Variants in CCDC57 observed in about 807,000 individuals in gnomAD.
CCDC57 encodes the protein coiled-coil domain-containing protein 57.
Under a neutral mutation model 118.9 loss-of-function variants are expected in CCDC57, and 118 were observed. The ratio of observed to expected loss-of-function variants is 0.99; its 90% confidence interval spans 0.86 to 1.16. CCDC57 has a LOEUF of 1.16. Ranked by LOEUF, CCDC57 falls within the 50% of genes most tolerant of loss-of-function variation. The pLI is 0.00. For synonymous variants in CCDC57, 527 were observed against 532.9 expected, an observed-to-expected ratio of 0.99 and a Z score of 0.15; for missense variants, 1,300 against 1,320.7, an observed-to-expected ratio of 0.98 and a Z score of 0.24.
chr17:82,157,873 C>T, exon 15 of CCDC57: 1 of 1,582,598 alleles, frequency 6.3e-7, no homozygotes, highest in Non-Finnish European at 8.6e-7. Flanking sequence ...AGCTCCAAAA[C>T]CTCCAGGTGT....
rs970566697 is a variant in CCDC57, at chr17:82,118,332, C to A, written c.2899+9360G>T. On this transcript the variant is annotated intron_variant, in intron 19 of 19. Transcript: ENST00000665763. The surrounding 1 kb of genome is among the most constrained non-coding windows in gnomAD (Gnocchi z 4.7). ...AACCCAGTGTGGTGTTATCCATTAG[C>A]GCAGGACTGAAACCCGATGTGGGTG... 2.0e-5 allele frequency among the ~76,000 whole-genome samples: 3 copies of A among 152,022 alleles called. No individual in the cohort carries two copies. The highest frequency in any genetic ancestry group is 7.2e-5 in the African/African-American group (3 of 41,382).
intron 19 of CCDC57, among the ~76,000 whole-genome samples, chr17:82,119,432 GC>G (rs1289023961): frequency 2.6e-5 from 4 of 151,556 alleles, no homozygotes; most frequent in East Asian, 2.0e-4. Context: ...ACCTGTGGGT[GC>G]CCCCCCACCC....
At chr17:82,169,164 T>C (rs1440707743) in intron 13 of CCDC57, among the ~76,000 whole-genome samples, 1 of 152,202 alleles carries the variant, frequency 6.6e-6, no homozygotes, top group African/African-American at 2.4e-5. Flanking sequence ...TCTCGCTCTG[T>C]TACCTAGGCT....
chr17:82,198,341 G>A (rs772904289), exon 4 of CCDC57: 11 of 1,613,288 alleles, frequency 6.8e-6, no homozygotes, highest in Non-Finnish European at 9.3e-6. Context: ...GCTCACCGTC[G>A]AGCTCCTCAA....
chr17:82,101,515 C>G (rs1415840791), downstream of CCDC57: 1 of 598,276 alleles, frequency 1.7e-6, no homozygotes, highest in Non-Finnish European at 2.9e-6. Flanking sequence ...CTCAGGGAGG[C>G]CTTCAGTCAG....
intron 18 of CCDC57, 53 bp from the exon 18 acceptor site, chr17:82,127,961 C>T: frequency 6.3e-7 from 1 of 1,595,308 alleles, no homozygotes; most frequent in Non-Finnish European, 8.5e-7. Flanking sequence ...CAGAGGAAGC[C>T]ACAGGACTCC....
intron 16 of CCDC57, among the ~76,000 whole-genome samples, chr17:82,143,032 C>T (rs1008364108): frequency 3.9e-5 from 6 of 152,016 alleles, no homozygotes; most frequent in Non-Finnish European, 7.4e-5. Flanking sequence ...GGCGTGGTGG[C>T]ACATGCCTGT....
intron 7 of CCDC57, 94 bp downstream of exon 6, chr17:82,193,662 C>T (rs983750507): frequency 1.2e-5 from 14 of 1,129,090 alleles, no homozygotes; most frequent in Non-Finnish European, 1.8e-5. Context: ...GAGTGGGACC[C>T]TCTGCTCCCT....
chr17:82,133,066 A>G (rs1315610717), intron 17 of CCDC57, among the ~76,000 whole-genome samples: 1 of 152,084 alleles, frequency 6.6e-6, no homozygotes, highest in Admixed American at 6.5e-5. Flanking sequence ...CCATCTTGCT[A>G]TCTTTTTAAA....
At chr17:82,166,124 T>TAA (rs11399966) in intron 13 of CCDC57, among the ~76,000 whole-genome samples, 11 of 149,950 alleles carry the variant, frequency 7.3e-5, no homozygotes, top group African/African-American at 2.0e-4. Flanking sequence ...CATCTCTGAT[T>TAA]AAAAAAAAAA....
intron 16 of CCDC57, chr17:82,145,981 G>A: frequency 3.3e-6 from 1 of 302,392 alleles, no homozygotes; most frequent in South Asian, 2.5e-5. Context: ...CAGGCTCTAT[G>A]CCTGAAAGCA....
chr17:82,191,814 G>A (rs2047697958), intron 7 of CCDC57, among the ~76,000 whole-genome samples: 1 of 151,938 alleles, frequency 6.6e-6, no homozygotes, highest in Admixed American at 6.6e-5. Context: ...CTACAGGCGT[G>A]AGCTGTCACA....
At chr17:82,138,645 A>T (rs2039592982) in intron 16 of CCDC57, among the ~76,000 whole-genome samples, 1 of 147,624 alleles carries the variant, frequency 6.8e-6, no homozygotes, top group Non-Finnish European at 1.5e-5. Context: ...GTCGGAAGAG[A>T]CGCATGGCCT....
chr17:82,212,397 CTTT>C lies in CCDC57; in HGVS notation c.-211+385_-211+387del, dbSNP rs55941734. ...CGCCTCCGGCCTTTTTTTTTCCTCT[CTTT>C]TTTTTTTTTTTTTTTTAAACTCACA... is the stretch of plus-strand genomic sequence containing the variant. On this transcript the variant is annotated intron_variant, in intron 1 of 19. Transcript: ENST00000665763. This position sits in a 1 kb window ranked among gnomAD's most constrained non-coding sequence, Gnocchi z 4.1. Among the ~76,000 whole-genome samples the C allele has an allele frequency of 6.7e-4, 91 of 135,102 alleles. 5 individuals are homozygous for C. Among genetic ancestry groups the C allele is most frequent in the Non-Finnish European group, 9.1e-4 (59 of 65,062 alleles). 88.6% of individuals were successfully genotyped at this position (135,102 alleles called of 152,430 possible). A position where few individuals can be genotyped will look rare whatever the true frequency, so the allele number is the denominator to read the frequency against.
At chr17:82,194,236 G>A in intron 5 of CCDC57, 97 bp from the exon 5 acceptor site, 1 of 1,258,730 alleles carries the variant, frequency 7.9e-7, no homozygotes, top group Non-Finnish European at 1.1e-6. Context: ...TTGGGAGGGA[G>A]AAGAAAAATG....
At chr17:82,194,979 C>G (rs555253615) in intron 5 of CCDC57, among the ~76,000 whole-genome samples, 1 of 152,244 alleles carries the variant, frequency 6.6e-6, no homozygotes, top group Non-Finnish European at 1.5e-5. Context: ...ATCTGTGCAC[C>G]GTGATGCCCA....
intron 19 of CCDC57, chr17:82,113,135 C>A: frequency 1.9e-6 from 1 of 519,118 alleles, no homozygotes; most frequent in Non-Finnish European, 3.4e-6. Flanking sequence ...AAAGAGCTAA[C>A]AGACATCTAC....
intron 17 of CCDC57, among the ~76,000 whole-genome samples, chr17:82,131,699 C>T (rs760649347): frequency 3.3e-5 from 5 of 151,596 alleles, no homozygotes; most frequent in Admixed American, 6.6e-5. Flanking sequence ...TTGCAATAAG[C>T]CGAGACTGTG....
In CCDC57 at chr17:82,174,028, C is replaced by T. The variant is rs114767911; in HGVS notation, c.1507-1168G>A. ...CAGACGCCAGCATAGACCCCAGATA[C>T]GGGAGAGGGAAACAAAGTCCCAGGG... On this transcript the variant is annotated intron_variant, in intron 11 of 19. Transcript: ENST00000665763. 4.3e-3 allele frequency among the ~76,000 whole-genome samples: 659 copies of T among 152,338 alleles called. 5 individuals carry two copies. Among genetic ancestry groups the T allele is most frequent in the African/African-American group, 0.015 (632 of 41,578 alleles).
Sources: allele counts gnomAD v4.1 joint callset (sites outside exome capture counted in the v4.1 genomes callset), GRCh38; gene constraint gnomAD v4.1.1; non-coding constraint Gnocchi (gnomAD v3.1); transcripts MANE v1.5; gene names NCBI Gene and HGNC (gene_info 2026-07-23, HGNC 2026-07-21).